LHPP: variants seen among roughly 807,000 people sequenced by gnomAD.
The protein encoded by LHPP is hLHPP.
In LHPP, 24 loss-of-function variants were observed where a neutral mutation model predicts 30.3. The observed-to-expected ratio is 0.79, with a 90% CI of 0.57 to 1.11. The LOEUF is 1.11. Ranked by LOEUF, LHPP falls within the 50% of genes most tolerant of loss-of-function variation. The pLI is 0.00. For synonymous variants in LHPP, 150 were observed against 157.1 expected (o/e 0.95, Z 0.34); for missense variants, 356 against 367.2 (o/e 0.97, Z 0.25).
chr10:124,464,515 C>G (rs1952503604), intron 1 of LHPP, among the ~76,000 whole-genome samples: 1 of 152,160 alleles, frequency 6.6e-6, no homozygotes, highest in Admixed American at 6.5e-5. Context: ...GCAGCCCAGA[C>G]CTAGGACACT....
intron 6 of LHPP, among the ~76,000 whole-genome samples, chr10:124,521,339 C>A (rs1424945112): frequency 6.6e-6 from 1 of 152,280 alleles, no homozygotes; most frequent in East Asian, 1.9e-4. Flanking sequence ...CCTTCCAGGG[C>A]CACCCCCAGC....
intron 6 of LHPP, among the ~76,000 whole-genome samples, chr10:124,578,191 C>T (rs1948693377): frequency 6.6e-6 from 1 of 152,232 alleles, no homozygotes; most frequent in Non-Finnish European, 1.5e-5. Context: ...TCACAGGTTG[C>T]TCCCTGCTGA....
At chr10:124,612,480 C>T (rs1014929155) in intron 6 of LHPP, among the ~76,000 whole-genome samples, 1 of 152,126 alleles carries the variant, frequency 6.6e-6, no homozygotes, top group African/African-American at 2.4e-5. Context: ...TGGGGCTCTC[C>T]TCTCCCACCC....
chr10:124,534,690 G>T (rs560157526), intron 6 of LHPP, among the ~76,000 whole-genome samples: 2 of 152,214 alleles, frequency 1.3e-5, no homozygotes, highest in African/African-American at 2.4e-5. Flanking sequence ...CGTCCTTCCC[G>T]CCCGGTGCCT....
At chr10:124,538,201 T>C (rs897285) in intron 6 of LHPP, among the ~76,000 whole-genome samples, 2 of 10,696 alleles carry the variant, frequency 1.9e-4, no homozygotes, top group African/African-American at 5.6e-4. Context: ...GGTCACCATG[T>C]GGGGTCACCA....
chr10:124,485,365 G>T (rs531329607), intron 2 of LHPP, among the ~76,000 whole-genome samples: 1 of 151,998 alleles, frequency 6.6e-6, no homozygotes, highest in Non-Finnish European at 1.5e-5. Context: ...GTGGGCATCC[G>T]CTTGGAGGGT....
intron 6 of LHPP, among the ~76,000 whole-genome samples, chr10:124,589,205 G>A (rs1248681956): frequency 6.6e-6 from 1 of 152,250 alleles, no homozygotes; most frequent in Non-Finnish European, 1.5e-5. Context: ...GCCTTTTCCT[G>A]CATAAGGCAT....
chr10:124,580,445 G>C (rs1165082182), intron 6 of LHPP, among the ~76,000 whole-genome samples: 1 of 152,170 alleles, frequency 6.6e-6, no homozygotes, highest in Non-Finnish European at 1.5e-5. Context: ...TGTGTATATG[G>C]TGTGAGGTAG....
chr10:124,613,536 G>A lies in LHPP; in HGVS notation c.*176G>A. The A allele has an allele frequency of 1.6e-6, 1 of 627,120 alleles. No homozygotes were observed. The highest frequency in any genetic ancestry group is 2.9e-6 in the Non-Finnish European group (1 of 345,644). The allele number at this position is 627,120 out of a possible 1,614,324, so 38.8% of individuals were successfully genotyped here. A position where few individuals can be genotyped will look rare whatever the true frequency, so the allele number is the denominator to read the frequency against. ...CAGTGCCCAGACCAACCAAGGCCCT[G>A]ACAGCCCTGCCTTCTGCCCTCTGCC... On this transcript the variant is annotated 3_prime_UTR_variant, in exon 7 of 7. Coordinates refer to ENST00000368842, the MANE Select transcript of LHPP (RefSeq NM_022126.4).
chr10:124,478,119 G>T lies in LHPP; in HGVS notation c.126-6020G>T, dbSNP rs542364057. On this transcript the variant is annotated intron_variant, in intron 1 of 6. Transcript: ENST00000368842. This position sits in a 1 kb window ranked among gnomAD's most constrained non-coding sequence, Gnocchi z 4.7. The stretch of plus-strand genomic sequence containing the variant: ...ACAAAACCCTGCCCTCCCAAGCCCC[G>T]GGCTTGCAGAGGAGGCAGGAGGAGG... Among the ~76,000 whole-genome samples, 1 of 152,170 alleles carries T rather than the reference G, an allele frequency of 6.6e-6. No individual in the cohort carries two copies. The highest frequency in any genetic ancestry group is 2.1e-4 in the South Asian group (1 of 4,834).
chr10:124,568,133 C>T lies in LHPP; in HGVS notation c.717-45131C>T, dbSNP rs192246621. Among the ~76,000 whole-genome samples, 505 of 152,250 alleles carry T rather than the reference C, an allele frequency of 3.3e-3. 2 individuals carry two copies. The highest frequency in any genetic ancestry group is 0.012 in the African/African-American group (488 of 41,544). On this transcript the variant is annotated intron_variant, in intron 6 of 6. Transcript: ENST00000368842. ...GTTTCACCGTGTTGGCTAGGATGGT[C>T]TCCATCTCTCGACCTCGTGATCCGC...
At chr10:124,604,050 G>A (rs1949062354) in intron 6 of LHPP, among the ~76,000 whole-genome samples, 1 of 152,224 alleles carries the variant, frequency 6.6e-6, no homozygotes, top group South Asian at 2.1e-4. Context: ...GGGAGAAGAG[G>A]GGCTTGGGAG....
intron 6 of LHPP, among the ~76,000 whole-genome samples, chr10:124,612,569 G>A (rs1949216229): frequency 6.6e-6 from 1 of 152,186 alleles, no homozygotes; most frequent in African/African-American, 2.4e-5. Context: ...GCAGGGCCCG[G>A]AGGCCTCTGC....
chr10:124,484,926 C>T lies in LHPP; in HGVS notation c.313+600C>T, dbSNP rs535751474. Among the ~76,000 whole-genome samples the T allele has an allele frequency of 2.6e-5, 4 of 152,250 alleles. No individual in the cohort carries two copies. In the East Asian group the frequency reaches 7.7e-4, roughly 29 times the overall value. ...TTTTCTTGGAATGAAGCAGAAGGAA[C>T]AATATTACTGGTGCCTCCTGAATAT... On this transcript the variant is annotated intron_variant, in intron 2 of 6. Coordinates refer to ENST00000368842, the MANE Select transcript of LHPP (RefSeq NM_022126.4).
intron 6 of LHPP, among the ~76,000 whole-genome samples, chr10:124,584,894 CT>C (rs34177514): frequency 0.18 from 26,874 of 152,120 alleles, 2,565 homozygotes; most frequent in African/African-American, 0.25. Context: ...AATTCCACCC[CT>C]GTCCTCACGC....
chr10:124,541,248 C>T lies in LHPP; in HGVS notation c.716+23977C>T, dbSNP rs761833220. On this transcript the variant is annotated intron_variant, in intron 6 of 6. Transcript: ENST00000368842. The surrounding 1 kb of genome is among the most constrained non-coding windows in gnomAD (Gnocchi z 4.2). ...GCACACTGTGCTTGGGGGACACAGCCGACACGACCAGCCTGCAGTACCAGG... is the reference window on the plus strand; with the variant it reads ...GCACACTGTGCTTGGGGGACACAGCTGACACGACCAGCCTGCAGTACCAGG... 1.3e-5 allele frequency among the ~76,000 whole-genome samples: 2 copies of T among 152,124 alleles called. No homozygotes were observed. The highest frequency in any genetic ancestry group is 2.4e-5 in the African/African-American group (1 of 41,422).
chr10:124,497,231 CT>C (rs2133873006), intron 4 of LHPP, among the ~76,000 whole-genome samples: 1 of 141,250 alleles, frequency 7.1e-6, no homozygotes, highest in South Asian at 2.3e-4. Flanking sequence ...CCATCTCTCC[CT>C]TCCCATCCTT....
At chr10:124,601,900 T>C (rs1949027719) in intron 6 of LHPP, among the ~76,000 whole-genome samples, 1 of 152,182 alleles carries the variant, frequency 6.6e-6, no homozygotes, top group Non-Finnish European at 1.5e-5. Context: ...GCACCAGCCA[T>C]GGGGAGGCCG....
intron 6 of LHPP, among the ~76,000 whole-genome samples, chr10:124,611,396 T>C (rs1033946858): frequency 6.7e-6 from 1 of 149,990 alleles, no homozygotes; most frequent in African/African-American, 2.4e-5. Context: ...ACTTCTTCCT[T>C]GGAGGATGGA....
Sources: gnomAD v4.1 joint callset for allele counts (sites outside exome capture counted in the v4.1 genomes callset) on GRCh38, gnomAD v4.1.1 for gene constraint, Gnocchi (gnomAD v3.1) non-coding constraint, MANE v1.5 for transcripts, NCBI Gene and HGNC (gene_info 2026-07-23, HGNC 2026-07-21) for gene names.